The following ABCC1 variants were observed in gnomAD, a reference collection of about 807,000 sequenced individuals.
ABCC1 encodes ATP binding cassette subfamily C member 1 (ABCC1 blood group).
ABCC1 carries 83 observed loss-of-function variants against 172.9 expected under a neutral mutation model. The observed-to-expected ratio is 0.48, with a 90% CI of 0.40 to 0.58. The LOEUF is 0.58. ABCC1 is among the 20% of genes least tolerant of loss of function. The pLI, the probability that ABCC1 is intolerant of heterozygous loss-of-function variation, is 0.00. For missense variants in ABCC1, 1,817 were observed against 2,002.7 expected, an observed-to-expected ratio of 0.91 and a Z score of 1.77; for synonymous variants, 937 against 825.2, an observed-to-expected ratio of 1.14 and a Z score of -2.32.
intron 20 of ABCC1, among the ~76,000 whole-genome samples, chr16:16,103,893 T>C (rs538923654): frequency 1.3e-5 from 2 of 152,208 alleles, no homozygotes; most frequent in Admixed American, 6.5e-5. Flanking sequence ...AGTGTTACAG[T>C]TCTTAAAGGT....
chr16:16,014,078 G>T (rs917296528), intron 3 of ABCC1, among the ~76,000 whole-genome samples: 14 of 152,174 alleles, frequency 9.2e-5, no homozygotes, highest in Non-Finnish European at 1.8e-4. Flanking sequence ...CTTTCACACT[G>T]CAGTGGCAAA....
chr16:16,034,451 G>A (rs939450336), intron 6 of ABCC1, among the ~76,000 whole-genome samples: 4 of 152,052 alleles, frequency 2.6e-5, no homozygotes, highest in African/African-American at 4.8e-5. Context: ...ACAGGACCCC[G>A]GATGCATGCT....
chr16:16,018,144 G>A (rs2048070418), intron 5 of ABCC1, among the ~76,000 whole-genome samples: 1 of 152,184 alleles, frequency 6.6e-6, no homozygotes, highest in Admixed American at 6.5e-5. Context: ...GGTTCTGTTG[G>A]GTTTGGCCTA....
intron 20 of ABCC1, among the ~76,000 whole-genome samples, chr16:16,103,484 G>A (rs2051874502): frequency 6.6e-6 from 1 of 152,144 alleles, no homozygotes; most frequent in African/African-American, 2.4e-5. Flanking sequence ...GGAGGCTGAG[G>A]CACGAGAATC....
intron 19 of ABCC1, among the ~76,000 whole-genome samples, chr16:16,101,053 A>T (rs2051721214): frequency 6.7e-6 from 1 of 150,316 alleles, no homozygotes; most frequent in East Asian, 2.0e-4. Flanking sequence ...TTATTTTTAG[A>T]CAGAGTCTCG....
intron 18 of ABCC1, among the ~76,000 whole-genome samples, chr16:16,088,889 T>C (rs1251093032): frequency 6.6e-6 from 1 of 152,062 alleles, no homozygotes; most frequent in East Asian, 1.9e-4. Context: ...TATTTTTATT[T>C]TGTGGAGACA....
intron 14 of ABCC1, among the ~76,000 whole-genome samples, chr16:16,073,638 TC>T (rs1596462937): frequency 6.6e-6 from 1 of 152,146 alleles, no homozygotes; most frequent in East Asian, 1.9e-4. Flanking sequence ...GCACCTGTAG[TC>T]CTAGTTACTT....
intron 10 of ABCC1, among the ~76,000 whole-genome samples, chr16:16,051,146 C>T (rs1319019255): frequency 1.4e-5 from 2 of 146,780 alleles, no homozygotes; most frequent in East Asian, 4.0e-4. Flanking sequence ...TGGGGGCTGT[C>T]TTTTTTTTTT....
chr16:15,992,369 A>G (rs1415302287), intron 1 of ABCC1, among the ~76,000 whole-genome samples: 1 of 152,152 alleles, frequency 6.6e-6, no homozygotes, highest in Non-Finnish European at 1.5e-5. Flanking sequence ...CGTCTTCCAC[A>G]AAACCTATCC....
intron 20 of ABCC1, among the ~76,000 whole-genome samples, chr16:16,103,369 C>G (rs1056884168): frequency 1.3e-5 from 2 of 152,080 alleles, no homozygotes; most frequent in African/African-American, 4.8e-5. Context: ...CACCTGAGGA[C>G]AGGAGTTGAA....
At chr16:15,951,092 A>T (rs2045860844) in intron 1 of ABCC1, among the ~76,000 whole-genome samples, 1 of 152,120 alleles carries the variant, frequency 6.6e-6, no homozygotes, top group Non-Finnish European at 1.5e-5. Context: ...TTGCAGATGG[A>T]CTTTCTTTAG....
At chr16:16,085,617 T>TA (rs1440656269) in intron 17 of ABCC1, among the ~76,000 whole-genome samples, 1 of 152,066 alleles carries the variant, frequency 6.6e-6, no homozygotes, top group East Asian at 1.9e-4. Context: ...CCACCTCTAC[T>TA]AAAAATACAA....
chr16:15,959,686 A>G (rs1292103640), intron 1 of ABCC1, among the ~76,000 whole-genome samples: 1 of 152,332 alleles, frequency 6.6e-6, no homozygotes, highest in East Asian at 1.9e-4. Context: ...AAAGTGCCCC[A>G]GGAGAAGTGG....
At chr16:16,058,065 G>C (rs17287542) in intron 12 of ABCC1, among the ~76,000 whole-genome samples, 8,335 of 152,104 alleles carry the variant, frequency 0.055, 263 homozygotes, top group Middle Eastern at 0.13. Context: ...TATGATCCAT[G>C]CTACACTGAA....
At chr16:16,113,081 G>C (rs2044691778) in intron 22 of ABCC1, among the ~76,000 whole-genome samples, 1 of 152,194 alleles carries the variant, frequency 6.6e-6, no homozygotes, top group Admixed American at 6.5e-5. Flanking sequence ...TGGATTGTTT[G>C]AGAGAAGCAC....
At chr16:16,140,336 C>A (rs2046080566) in intron 30 of ABCC1, among the ~76,000 whole-genome samples, 1 of 152,104 alleles carries the variant, frequency 6.6e-6, no homozygotes, top group Admixed American at 6.6e-5. Flanking sequence ...AGGGAAGTGA[C>A]ATGAGTTTCT....
intron 1 of ABCC1, among the ~76,000 whole-genome samples, chr16:15,992,483 T>G (rs1438700496): frequency 6.7e-6 from 1 of 150,230 alleles, no homozygotes; most frequent in Non-Finnish European, 1.5e-5. Context: ...CACTGCAGCC[T>G]CTGCCTCCCA....
At position 16,045,913 on chromosome 16, in the gene ABCC1, C is replaced by T. The variant is rs774668003; in HGVS notation, c.1118C>T (p.Thr373Ile). 6.2e-7 allele frequency: 1 copy of T among 1,614,204 alleles called. No individual in the cohort carries two copies. The highest frequency in any genetic ancestry group is 8.5e-7 in the Non-Finnish European group (1 of 1,180,036). The change falls in exon 9 of 31, where the codon ACT becomes ATT. Residue 373 changes from threonine to isoleucine, a missense_variant. Coordinates refer to ENST00000399410, the MANE Select transcript of ABCC1 (RefSeq NM_004996.4). Reference sequence around the variant, plus strand: ...TTCTACACCGTGCTGCTGTTTGTCACTGCCTGCCTGCAGACCCTCGTGCTG... The same window carrying T: ...TTCTACACCGTGCTGCTGTTTGTCATTGCCTGCCTGCAGACCCTCGTGCTG... Reference protein sequence around the residue: ...GYFYTVLLFVTACLQTLVLHQ... With the variant: ...GYFYTVLLFVIACLQTLVLHQ...
At chr16:16,021,930 C>T (rs767746300) in intron 5 of ABCC1, among the ~76,000 whole-genome samples, 1 of 152,166 alleles carries the variant, frequency 6.6e-6, no homozygotes, top group Non-Finnish European at 1.5e-5. Flanking sequence ...TTCACCTCCT[C>T]TCTCTGTCCC....
Sources: gnomAD v4.1 joint callset for allele counts (sites outside exome capture counted in the v4.1 genomes callset) on GRCh38, gnomAD v4.1.1 for gene constraint, MANE v1.5 for transcripts, NCBI Gene and HGNC (gene_info 2026-07-23, HGNC 2026-07-21) for gene names.